The following MAP2K1 variants were observed in gnomAD, a reference collection of about 807,000 sequenced individuals.
MAP2K1 encodes mitogen-activated protein kinase kinase 1.
Under a neutral mutation model 46.3 loss-of-function variants are expected in MAP2K1, and 16 were observed. The ratio of observed to expected loss-of-function variants is 0.35; its 90% CI spans 0.23 to 0.52. MAP2K1 has a LOEUF of 0.52. Among genes scored for constraint, MAP2K1 ranks in the 20% least tolerant of loss-of-function variants. The pLI is 0.94. For synonymous variants in MAP2K1, 183 were observed against 185.6 expected (o/e 0.99, Z 0.11); for missense variants, 263 against 497.1 (o/e 0.53, Z 4.48).
At chr15:66,435,310 A>G (rs2093485042) in intron 2 of MAP2K1, 73 bp downstream of exon 2, 1 of 1,270,830 alleles carries the variant, frequency 7.9e-7, no homozygotes, top group Non-Finnish European at 1.2e-6. Context: ...CCAGGGTAGA[A>G]GGAAGACTGA....
chr15:66,416,409 A>G (rs562145769), intron 1 of MAP2K1, among the ~76,000 whole-genome samples: 148 of 150,944 alleles, frequency 9.8e-4, no homozygotes, highest in Middle Eastern at 3.4e-3. Flanking sequence ...TTGTGAGGAC[A>G]GGGATCTTGT....
chr15:66,460,961 C>T (rs150308453), intron 5 of MAP2K1, among the ~76,000 whole-genome samples: 60 of 152,170 alleles, frequency 3.9e-4, no homozygotes, highest in African/African-American at 1.3e-3. Flanking sequence ...CAGGGCTGTA[C>T]GTGGAGAGCT....
At chr15:66,409,860 G>T (rs1333363392) in intron 1 of MAP2K1, among the ~76,000 whole-genome samples, 2 of 152,122 alleles carry the variant, frequency 1.3e-5, no homozygotes, top group Admixed American at 6.5e-5. Flanking sequence ...GGTTTTTAAA[G>T]AATTTTTTTC....
chr15:66,458,544 G>A (rs1315707558), intron 5 of MAP2K1, among the ~76,000 whole-genome samples: 3 of 152,046 alleles, frequency 2.0e-5, no homozygotes, highest in Non-Finnish European at 2.9e-5. Flanking sequence ...GACAGGTCTC[G>A]CTCACTCTGT....
chr15:66,445,585 A>G (rs558043560), intron 5 of MAP2K1, among the ~76,000 whole-genome samples: 1 of 152,258 alleles, frequency 6.6e-6, no homozygotes, highest in Non-Finnish European at 1.5e-5. Flanking sequence ...ATGTCCTTCA[A>G]CAGGCAAAGA....
At chr15:66,404,306 C>T (rs762553245) in intron 1 of MAP2K1, among the ~76,000 whole-genome samples, 22 of 152,056 alleles carry the variant, frequency 1.4e-4, no homozygotes, top group Admixed American at 1.3e-4. Context: ...GAGCGGAGAT[C>T]GCGCCACTGC....
At chr15:66,420,226 A>G (rs1267294480) in intron 1 of MAP2K1, among the ~76,000 whole-genome samples, 1 of 152,158 alleles carries the variant, frequency 6.6e-6, no homozygotes, top group African/African-American at 2.4e-5. Context: ...CCTGGGTGAC[A>G]GAGCAAGACT....
At chr15:66,472,123 C>T (rs1017223893) in intron 5 of MAP2K1, among the ~76,000 whole-genome samples, 1 of 146,992 alleles carries the variant, frequency 6.8e-6, no homozygotes, top group African/African-American at 2.5e-5. Flanking sequence ...GCCAACATGG[C>T]GAAACCCCAT....
chr15:66,434,957 TG>T, intron 1 of MAP2K1, 69 bp from the exon 2 acceptor site: 1 of 1,009,168 alleles, frequency 9.9e-7, no homozygotes, highest in Non-Finnish European at 1.6e-6. Context: ...TTTCTTTCCA[TG>T]ATAGGAGTAC....
chr15:66,408,051 T>C (rs1254875122), intron 1 of MAP2K1, among the ~76,000 whole-genome samples: 1 of 152,240 alleles, frequency 6.6e-6, no homozygotes, highest in Non-Finnish European at 1.5e-5. Flanking sequence ...CAAGTGCTTT[T>C]ACATCCTTGG....
At chr15:66,414,431 A>G (rs1045564429) in intron 1 of MAP2K1, among the ~76,000 whole-genome samples, 1 of 152,208 alleles carries the variant, frequency 6.6e-6, no homozygotes, top group Non-Finnish European at 1.5e-5. Context: ...ACAAATCAGG[A>G]GCAGCCAAAA....
At chr15:66,395,404 G>A (rs1416865773) in intron 1 of MAP2K1, among the ~76,000 whole-genome samples, 1 of 152,058 alleles carries the variant, frequency 6.6e-6, no homozygotes, top group Non-Finnish European at 1.5e-5. Context: ...TGCCTATCTA[G>A]CTTAATTTTC....
chr15:66,469,496 T>TTG (rs1555419233), intron 5 of MAP2K1, among the ~76,000 whole-genome samples: 1 of 145,918 alleles, frequency 6.9e-6, no homozygotes, highest in African/African-American at 2.6e-5. Flanking sequence ...TTTTTTTTTT[T>TTG]TTTGTTGAGG....
chr15:66,406,041 A>G (rs1566997802), intron 1 of MAP2K1, among the ~76,000 whole-genome samples: 1 of 152,236 alleles, frequency 6.6e-6, no homozygotes, highest in Non-Finnish European at 1.5e-5. Context: ...GATTTAGATT[A>G]TGGCCAAAAT....
intron 5 of MAP2K1, among the ~76,000 whole-genome samples, chr15:66,474,596 A>G (rs1003948652): frequency 1.3e-5 from 2 of 152,156 alleles, no homozygotes; most frequent in African/African-American, 4.8e-5. Flanking sequence ...ACAACTTATT[A>G]TGGGTTGCCT....
chr15:66,389,211 G>A (rs777555705), intron 1 of MAP2K1, among the ~76,000 whole-genome samples: 23 of 152,072 alleles, frequency 1.5e-4, no homozygotes, highest in Non-Finnish European at 3.2e-4. Context: ...CAGCCCATTT[G>A]TTCAGTTTTA....
At chr15:66,445,314 C>T (rs867971254) in intron 5 of MAP2K1, among the ~76,000 whole-genome samples, 1 of 152,122 alleles carries the variant, frequency 6.6e-6, no homozygotes, top group South Asian at 2.1e-4. Flanking sequence ...ATTGCTTGAA[C>T]CTGGGAGGCG....
At chr15:66,482,003 A>G in intron 6 of MAP2K1, 124 bp downstream of exon 6, 2 of 1,193,542 alleles carry the variant, frequency 1.7e-6, no homozygotes, top group South Asian at 2.6e-5. Flanking sequence ...GGGAGGAGGC[A>G]CAGTGCTCTG....
chr15:66,477,308 A>T (rs986048797), intron 5 of MAP2K1, among the ~76,000 whole-genome samples: 6 of 152,218 alleles, frequency 3.9e-5, no homozygotes, highest in Non-Finnish European at 7.3e-5. Context: ...CAGCAGCTGT[A>T]GTCTGAAGAG....
Sources: allele counts gnomAD v4.1 joint callset (sites outside exome capture counted in the v4.1 genomes callset), GRCh38; gene constraint gnomAD v4.1.1; transcripts MANE v1.5; gene names NCBI Gene and HGNC (gene_info 2026-07-23, HGNC 2026-07-21).